The following LMLN variants were observed in gnomAD, a reference collection of about 807,000 sequenced individuals.
LMLN encodes the protein leishmanolysin-like peptidase.
LMLN carries 70 observed loss-of-function variants against 92.3 expected under a neutral mutation model. The ratio of observed to expected loss-of-function variants is 0.76; its 90% CI spans 0.63 to 0.92. The LOEUF is 0.92. Ranked by LOEUF, LMLN falls within the 40% of genes least tolerant of loss-of-function variation. The probability of loss-of-function intolerance (pLI) is 0.00; values close to 1 mark genes in which losing one functional copy is unlikely to be tolerated. For synonymous variants in LMLN, 308 were observed against 296.2 expected, an observed-to-expected ratio of 1.04 and a Z score of -0.41; for missense variants, 691 against 814.6, an observed-to-expected ratio of 0.85 and a Z score of 1.85.
intron 11 of LMLN, among the ~76,000 whole-genome samples, chr3:198,000,411 C>G (rs1366974740): frequency 6.6e-6 from 1 of 152,056 alleles, no homozygotes; most frequent in Non-Finnish European, 1.5e-5. Flanking sequence ...GAGGTAAAAG[C>G]ATTTAAACAT....
intron 11 of LMLN, among the ~76,000 whole-genome samples, chr3:198,008,493 A>AGG (rs970411327): frequency 2.0e-5 from 3 of 152,242 alleles, no homozygotes; most frequent in Non-Finnish European, 4.4e-5. Flanking sequence ...TGGGAGGCTG[A>AGG]GGCAGGCTGA....
intron 1 of LMLN, among the ~76,000 whole-genome samples, chr3:197,971,198 C>T (rs960798141): frequency 4.6e-5 from 7 of 152,156 alleles, no homozygotes; most frequent in Non-Finnish European, 7.3e-5. Flanking sequence ...CTACCTGAGA[C>T]TGGGTAATTT....
chr3:197,973,753 C>A (rs1721294168), intron 1 of LMLN, among the ~76,000 whole-genome samples: 1 of 152,172 alleles, frequency 6.6e-6, no homozygotes, highest in African/African-American at 2.4e-5. Context: ...TTCTTGTATA[C>A]ATCTGCAGAA....
intron 11 of LMLN, among the ~76,000 whole-genome samples, chr3:198,008,931 A>G (rs921880911): frequency 6.6e-6 from 1 of 152,114 alleles, no homozygotes; most frequent in Non-Finnish European, 1.5e-5. Context: ...ATTTCCAGCT[A>G]TTTTGAGATG....
Position 197,990,698 on chromosome 3 carries a change from G to A in LMLN, c.1047+22G>A, listed in dbSNP as rs182971032. ...TGTTGTAAGTATTATCAGACTTCAT[G>A]TCTCATGAGCCATCTGTTCTTTTCC... On this transcript the variant is annotated intron_variant, in intron 9 of 15. Transcript: ENST00000330198. 6,470 of 1,126,290 alleles carry A rather than the reference G, an allele frequency of 5.7e-3. 27 individuals are homozygous for A. Among genetic ancestry groups the A allele is most frequent in the Middle Eastern group, 0.012 (63 of 5,168 alleles). 69.8% of individuals were successfully genotyped at this position (1,126,290 alleles called of 1,614,324 possible).
intron 1 of LMLN, among the ~76,000 whole-genome samples, chr3:197,963,831 A>G (rs893917778): frequency 7.9e-5 from 12 of 152,212 alleles, no homozygotes; most frequent in African/African-American, 2.9e-4. Flanking sequence ...CAAAAGTGAG[A>G]TAGCACGCCT....
At chr3:198,013,580 C>T (rs1459605080) in intron 11 of LMLN, among the ~76,000 whole-genome samples, 1 of 117,086 alleles carries the variant, frequency 8.5e-6, no homozygotes, top group African/African-American at 5.0e-5. Context: ...CTGTACCCTT[C>T]AGAGCCCCTT....
chr3:197,961,688 C>T (rs1720896632), intron 1 of LMLN, among the ~76,000 whole-genome samples: 1 of 152,136 alleles, frequency 6.6e-6, no homozygotes, highest in Non-Finnish European at 1.5e-5. Flanking sequence ...GGAGTATAGC[C>T]AGGAGCTACA....
chr3:198,020,766 G>GTTTGTTTTTTTTTTTTTTTT (rs1260852398), intron 12 of LMLN, among the ~76,000 whole-genome samples: 1 of 25,642 alleles, frequency 3.9e-5, no homozygotes, highest in African/African-American at 1.8e-4. Flanking sequence ...GCTAATTTTT[G>GTTTGTTTTTTTTTTTTTTTT]TATTTTTTTT....
chr3:198,006,184 T>C (rs1722288479), intron 11 of LMLN, among the ~76,000 whole-genome samples: 1 of 152,168 alleles, frequency 6.6e-6, no homozygotes, highest in African/African-American at 2.4e-5. Flanking sequence ...TGTGAACTTT[T>C]GAGCGTGGCT....
rs759049455 is a variant in LMLN, at chr3:197,976,707, C to T, written c.541C>T (p.His181Tyr). The T allele has an allele frequency of 2.6e-6, 4 of 1,515,000 alleles. No homozygotes were observed. In the Admixed American group the frequency reaches 7.4e-5, roughly 28 times the overall value. The allele number at this position is 1,515,000 out of a possible 1,614,324, so 93.8% of individuals were successfully genotyped here. The change falls in exon 5 of 16, where the codon CAT (histidine) becomes TAT (tyrosine). Residue 181 changes from histidine to tyrosine, a missense_variant. This residue lies in a region of LMLN where 240 missense variants were observed against 287.3 expected (regional missense o/e 0.84). Coordinates refer to ENST00000330198, the Ensembl canonical transcript of LMLN. ...CGGCCCCGTTATTGTTCCTGAGGAA[C>T]ATCTCCAGGTATTTCACCCTGCTCT... is the stretch of plus-strand genomic sequence containing the variant.
chr3:197,986,825 A>G (rs1183130289), intron 8 of LMLN, among the ~76,000 whole-genome samples: 2 of 150,794 alleles, frequency 1.3e-5, no homozygotes, highest in East Asian at 1.9e-4. Context: ...AATGTTCTGT[A>G]TGTTTGAAAA....
At chr3:197,971,418 A>C (rs1221028923) in intron 1 of LMLN, among the ~76,000 whole-genome samples, 1 of 152,354 alleles carries the variant, frequency 6.6e-6, no homozygotes, top group South Asian at 2.1e-4. Flanking sequence ...AAACACCCCC[A>C]TGATCCAGTC....
At chr3:198,016,236 T>C (rs549109935) in intron 11 of LMLN, among the ~76,000 whole-genome samples, 16 of 151,188 alleles carry the variant, frequency 1.1e-4, no homozygotes, top group African/African-American at 3.9e-4. Context: ...ACTATTCTCA[T>C]CTTTTCTCAC....
At chr3:198,023,527 AAG>A (rs776907733) in intron 13 of LMLN, among the ~76,000 whole-genome samples, 2 of 152,170 alleles carry the variant, frequency 1.3e-5, no homozygotes, top group Non-Finnish European at 2.9e-5. Context: ...ATAGTTTTGA[AAG>A]ACTCTGATAC....
chr3:198,036,014 C>G, exon 15 of LMLN: 1 of 1,613,748 alleles, frequency 6.2e-7, no homozygotes, highest in Non-Finnish European at 8.5e-7. Context: ...GATCCTCCAG[C>G]CACTAACCTG....
intron 1 of LMLN, among the ~76,000 whole-genome samples, chr3:197,971,944 C>CTTT (rs756710031): frequency 1.4e-4 from 11 of 81,216 alleles, no homozygotes; most frequent in South Asian, 1.3e-3. Flanking sequence ...AGTCTCTGTT[C>CTTT]TTTTTTTTTT....
At chr3:197,960,516 T>C in intron 1 of LMLN, 76 bp downstream of exon 1, 2 of 1,370,140 alleles carry the variant, frequency 1.5e-6, no homozygotes. Context: ...AGATAGTGAC[T>C]GGGAGAAGGT....
chr3:197,992,794 G>C (rs1233363533), intron 9 of LMLN, among the ~76,000 whole-genome samples: 1 of 151,910 alleles, frequency 6.6e-6, no homozygotes, highest in Non-Finnish European at 1.5e-5. Flanking sequence ...TACCAGGGCA[G>C]CAATACTCTA....
Sources: allele counts gnomAD v4.1 joint callset (sites outside exome capture counted in the v4.1 genomes callset), GRCh38; gene constraint gnomAD v4.1.1; regional missense constraint gnomAD v4.1.1; transcripts MANE v1.5; gene names NCBI Gene and HGNC (gene_info 2026-07-23, HGNC 2026-07-21).